SPAG16: variants seen among roughly 807,000 people sequenced by gnomAD.
The protein encoded by SPAG16 is sperm associated antigen 16.
Under a neutral mutation model 80.4 loss-of-function variants are expected in SPAG16, and 86 were observed. That is an observed-to-expected ratio of 1.07 (90% CI 0.90 to 1.28). SPAG16 has a LOEUF of 1.28. Ranked by LOEUF, SPAG16 falls within the 50% of genes most tolerant of loss-of-function variation. SPAG16 has a pLI of 0.00. For synonymous variants in SPAG16, 294 were observed against 265.9 expected (o/e 1.11, Z -1.03); for missense variants, 870 against 765.3 (o/e 1.14, Z -1.61).
At chr2:213,588,021 T>C (rs1013229388) in intron 10 of SPAG16, among the ~76,000 whole-genome samples, 2 of 152,246 alleles carry the variant, frequency 1.3e-5, no homozygotes, top group East Asian at 1.9e-4. Context: ...GATAAACTCA[T>C]ACTATTTCAC....
intron 7 of SPAG16, among the ~76,000 whole-genome samples, chr2:213,358,429 C>G (rs2065791770): frequency 6.6e-6 from 1 of 152,156 alleles, no homozygotes; most frequent in Non-Finnish European, 1.5e-5. Context: ...CACATAGTGC[C>G]ATATTTCTTG....
chr2:213,292,501 A>G lies in SPAG16; in HGVS notation c.137-3563A>G, dbSNP rs377233866. On this transcript the variant is annotated intron_variant, in intron 1 of 15. Transcript: ENST00000331683. ...AAAACGGTGAAACCCCGTCTCTACT[A>G]AAAATACAAAAAATTAGCCGGGCGT... Among the ~76,000 whole-genome samples, 5 of 151,140 alleles carry G rather than the reference A, an allele frequency of 3.3e-5. No individual in the cohort carries two copies. The East Asian group carries it at 5.8e-4, about 18-fold the overall frequency.
At chr2:213,422,399 C>T (rs1188461810) in intron 9 of SPAG16, 2 of 658,776 alleles carry the variant, frequency 3.0e-6, no homozygotes, top group African/African-American at 1.8e-5. Context: ...GCTGGCATGC[C>T]TGGCTGTGCA....
intron 10 of SPAG16, among the ~76,000 whole-genome samples, chr2:213,664,124 A>G (rs2063518613): frequency 6.6e-6 from 1 of 152,006 alleles, no homozygotes; most frequent in Non-Finnish European, 1.5e-5. Flanking sequence ...AGTCCCTGTC[A>G]TATTGCCTTT....
chr2:213,563,094 TC>T (rs1327896267), intron 10 of SPAG16, among the ~76,000 whole-genome samples: 1 of 152,222 alleles, frequency 6.6e-6, no homozygotes, highest in African/African-American at 2.4e-5. Context: ...TATTTTGTTT[TC>T]CTTTTGTGTT....
At chr2:213,500,789 C>A (rs1364554679) in intron 10 of SPAG16, among the ~76,000 whole-genome samples, 1 of 152,176 alleles carries the variant, frequency 6.6e-6, no homozygotes, top group Admixed American at 6.5e-5. Context: ...ACCCAGAGTT[C>A]TTTTTGCATA....
At chr2:214,016,123 T>G (rs2047579750) in intron 13 of SPAG16, among the ~76,000 whole-genome samples, 1 of 152,086 alleles carries the variant, frequency 6.6e-6, no homozygotes, top group Non-Finnish European at 1.5e-5. Flanking sequence ...ACTGGTAGGT[T>G]CAAGAGTGAA....
intron 9 of SPAG16, among the ~76,000 whole-genome samples, chr2:213,403,776 T>G (rs1217602549): frequency 6.6e-6 from 1 of 152,204 alleles, no homozygotes; most frequent in Admixed American, 6.5e-5. Context: ...TGTCCCTGTT[T>G]GCAGATGACA....
chr2:213,312,281 C>T (rs1430009097), intron 4 of SPAG16, among the ~76,000 whole-genome samples: 4 of 151,410 alleles, frequency 2.6e-5, no homozygotes, highest in African/African-American at 9.7e-5. Flanking sequence ...CAGGTTTAGT[C>T]GATGGTTCAA....
chr2:213,732,170 G>A (rs2067076452), intron 10 of SPAG16, among the ~76,000 whole-genome samples: 1 of 152,120 alleles, frequency 6.6e-6, no homozygotes, highest in East Asian at 1.9e-4. Flanking sequence ...ATTAAATAGG[G>A]AATCCTTTTC....
intron 6 of SPAG16, among the ~76,000 whole-genome samples, chr2:213,349,962 C>T (rs2065234526): frequency 6.6e-6 from 1 of 152,090 alleles, no homozygotes; most frequent in Admixed American, 6.5e-5. Context: ...GTAAATTACA[C>T]TTCAATAAAA....
At chr2:214,194,053 G>T (rs899650366) in intron 15 of SPAG16, among the ~76,000 whole-genome samples, 1 of 152,060 alleles carries the variant, frequency 6.6e-6, no homozygotes, top group Non-Finnish European at 1.5e-5. Flanking sequence ...ATTATAGTCA[G>T]AAAATGCTAA....
chr2:213,598,953 C>T (rs1254728161), intron 10 of SPAG16, among the ~76,000 whole-genome samples: 2 of 152,046 alleles, frequency 1.3e-5, no homozygotes, highest in Admixed American at 6.5e-5. Context: ...GAAAGTTGAC[C>T]TTTAAAAAGT....
intron 10 of SPAG16, among the ~76,000 whole-genome samples, chr2:213,707,119 G>A (rs1247743271): frequency 2.6e-5 from 4 of 152,216 alleles, no homozygotes; most frequent in Admixed American, 6.5e-5. Context: ...ATACAAGGAT[G>A]TGAAAAACGG....
chr2:214,041,405 T>C (rs1248908703), intron 13 of SPAG16, among the ~76,000 whole-genome samples: 1 of 151,806 alleles, frequency 6.6e-6, no homozygotes, highest in Admixed American at 6.6e-5. Flanking sequence ...AAAGACTCTT[T>C]GCACTTCTAC....
At chr2:213,339,112 C>A (rs2124944880) in intron 5 of SPAG16, among the ~76,000 whole-genome samples, 1 of 152,128 alleles carries the variant, frequency 6.6e-6, no homozygotes, top group East Asian at 1.9e-4. Flanking sequence ...TGATCTTCAT[C>A]AAGAAGTCGT....
intron 15 of SPAG16, among the ~76,000 whole-genome samples, chr2:214,264,584 C>T (rs1005054653): frequency 4.6e-5 from 7 of 152,004 alleles, no homozygotes; most frequent in African/African-American, 1.5e-4. Context: ...ATTTTGCATT[C>T]GTATGGTACA....
intron 13 of SPAG16, among the ~76,000 whole-genome samples, chr2:214,039,740 C>T (rs1408115241): frequency 6.6e-6 from 1 of 152,218 alleles, no homozygotes; most frequent in African/African-American, 2.4e-5. Flanking sequence ...AATGCTACTC[C>T]TCTCTACCTT....
At chr2:213,689,023 G>T (rs1343971367) in intron 10 of SPAG16, among the ~76,000 whole-genome samples, 1 of 151,996 alleles carries the variant, frequency 6.6e-6, no homozygotes, top group Non-Finnish European at 1.5e-5. Context: ...GCAGTGGCTC[G>T]ATCTTGGCCC....
Sources: allele counts gnomAD v4.1 joint callset (sites outside exome capture counted in the v4.1 genomes callset), GRCh38; gene constraint gnomAD v4.1.1; transcripts MANE v1.5; gene names NCBI Gene and HGNC (gene_info 2026-07-23, HGNC 2026-07-21).